Variants in EEPD1 observed in about 807,000 individuals in gnomAD.
The protein encoded by EEPD1 is endonuclease/exonuclease/phosphatase family domain containing 1.
In EEPD1, 17 loss-of-function variants were observed where a neutral mutation model predicts 46.3. That is an observed-to-expected ratio of 0.37 (90% CI 0.25 to 0.55). EEPD1 has a LOEUF of 0.55. Ranked by LOEUF, EEPD1 falls within the 20% of genes least tolerant of loss-of-function variation. The pLI, the probability that EEPD1 is intolerant of heterozygous loss-of-function variation, is 0.83. For missense variants in EEPD1, 673 were observed against 745.6 expected (o/e 0.90, Z 1.13); for synonymous variants, 313 against 315.6 (o/e 0.99, Z 0.09).
rs1252332214 is a variant in EEPD1 at position 36,300,651 on chromosome 7, A to G, written c.*1445A>G. 7 of 152,200 alleles carry G rather than the reference A, an allele frequency of 4.6e-5. No homozygotes were observed. Among genetic ancestry groups the G allele is most frequent in the Non-Finnish European group, 7.3e-5 (5 of 68,038 alleles). The allele number at this position is 152,200 out of a possible 1,614,324, so 9.4% of individuals were successfully genotyped here. A position where few individuals can be genotyped will look rare whatever the true frequency, so the allele number is the denominator to read the frequency against. On this transcript the variant is annotated 3_prime_UTR_variant, in exon 8 of 8. Transcript: ENST00000242108. ...AACCCTCCTGTCCCCACGCAGTGTAAACCCAGTGGCTTCTCTGACCTGGAG... is the reference window on the plus strand; with the variant it reads ...AACCCTCCTGTCCCCACGCAGTGTAGACCCAGTGGCTTCTCTGACCTGGAG...
chr7:36,255,172 T>C (rs927047415), intron 3 of EEPD1, among the ~76,000 whole-genome samples: 1 of 152,220 alleles, frequency 6.6e-6, no homozygotes, highest in Non-Finnish European at 1.5e-5. Flanking sequence ...TTGGCTTTTG[T>C]TATCATTGCT....
chr7:36,168,845 G>T (rs1317672792), intron 2 of EEPD1, among the ~76,000 whole-genome samples: 1 of 151,918 alleles, frequency 6.6e-6, no homozygotes, highest in Non-Finnish European at 1.5e-5. Context: ...TTAACTGGGG[G>T]TAAAGGACCC....
At chr7:36,174,558 G>C (rs1323583308) in intron 2 of EEPD1, among the ~76,000 whole-genome samples, 1 of 152,232 alleles carries the variant, frequency 6.6e-6, no homozygotes, top group African/African-American at 2.4e-5. Flanking sequence ...CCGCCAGGCA[G>C]CTGCTGGATG....
intron 2 of EEPD1, among the ~76,000 whole-genome samples, chr7:36,237,376 GTCC>G (rs1222732161): frequency 1.3e-5 from 2 of 152,208 alleles, no homozygotes; most frequent in Admixed American, 6.5e-5. Flanking sequence ...AGCTCAAGCA[GTCC>G]TCCTGCCTTG....
At chr7:36,219,052 G>T (rs914147315) in intron 2 of EEPD1, among the ~76,000 whole-genome samples, 1 of 152,130 alleles carries the variant, frequency 6.6e-6, no homozygotes, top group African/African-American at 2.4e-5. Flanking sequence ...GAAAATAAGA[G>T]AAATTATTTT....
At chr7:36,249,251 T>C (rs1285864451) in intron 3 of EEPD1, among the ~76,000 whole-genome samples, 3 of 152,154 alleles carry the variant, frequency 2.0e-5, no homozygotes, top group Non-Finnish European at 4.4e-5. Flanking sequence ...TAGTGAAGTT[T>C]TAAAGCATGA....
intron 2 of EEPD1, among the ~76,000 whole-genome samples, chr7:36,212,772 G>A (rs1294592016): frequency 6.6e-6 from 1 of 151,778 alleles, no homozygotes; most frequent in African/African-American, 2.4e-5. Flanking sequence ...TGTAAACAGT[G>A]GTTATTTTAA....
chr7:36,226,875 G>T (rs185124719), intron 2 of EEPD1, among the ~76,000 whole-genome samples: 1 of 152,158 alleles, frequency 6.6e-6, no homozygotes, highest in East Asian at 1.9e-4. Context: ...TTAAACAAAA[G>T]AAGGTGACAG....
At chr7:36,213,162 AAAAT>A (rs901883367) in intron 2 of EEPD1, among the ~76,000 whole-genome samples, 7 of 152,326 alleles carry the variant, frequency 4.6e-5, no homozygotes, top group Non-Finnish European at 8.8e-5. Flanking sequence ...CCAAAAAATA[AAAAT>A]AAATAAATAA....
rs1787572788 is a variant in EEPD1, at chr7:36,299,018, G to A, written c.1522G>A (p.Val508Met). The change falls in exon 8 of 8, where the codon GTG becomes ATG. Residue 508 changes from valine to methionine, a missense_variant. Val to Met is a conservative substitution (Grantham distance 21). Coordinates refer to ENST00000242108, the MANE Select transcript of EEPD1 (RefSeq NM_030636.3). ...TCCTCTCCCTTCAGGTCACTGGGCT[G>A]TGGTGAGAGAAGGCCTCACGAACCC... is the stretch of plus-strand genomic sequence containing the variant. ...LKKVFTGHWA[V>M]VREGLTNPWI... 3 of 1,613,986 alleles carry A rather than the reference G, an allele frequency of 1.9e-6. No homozygotes were observed. Among genetic ancestry groups the A allele is most frequent in the Admixed American group, 1.7e-5 (1 of 59,998 alleles).
At chr7:36,289,953 C>T (rs1183444342) in intron 6 of EEPD1, among the ~76,000 whole-genome samples, 1 of 152,218 alleles carries the variant, frequency 6.6e-6, no homozygotes, top group African/African-American at 2.4e-5. Context: ...AGCAGCTTTT[C>T]TTTTGAACCA....
chr7:36,156,314 C>T (rs887581584), intron 2 of EEPD1, among the ~76,000 whole-genome samples: 4 of 152,150 alleles, frequency 2.6e-5, no homozygotes, highest in Non-Finnish European at 4.4e-5. Flanking sequence ...CAGTGGCATG[C>T]TCTCATCACT....
chr7:36,203,922 A>G (rs1785763663), intron 2 of EEPD1, among the ~76,000 whole-genome samples: 1 of 151,804 alleles, frequency 6.6e-6, no homozygotes. Context: ...TTATTTGTAC[A>G]GAATGGAGAT....
Position 36,179,521 on chromosome 7 carries a change from G to A in EEPD1, c.878+24319G>A, listed in dbSNP as rs543866318. 1.7e-3 allele frequency among the ~76,000 whole-genome samples: 254 copies of A among 151,766 alleles called. 8 individuals are homozygous for A. Among genetic ancestry groups the A allele is most frequent in the Admixed American group, 0.015 (233 of 15,222 alleles). On this transcript the variant is annotated intron_variant, in intron 2 of 7. Transcript: ENST00000242108. ...GATTGCTTGAAGCCCAGGAGTTCGA[G>A]ACCAGCCTGGCCAAGATGGCAAGAA...
At chr7:36,235,427 C>A (rs935436250) in intron 2 of EEPD1, among the ~76,000 whole-genome samples, 2 of 152,268 alleles carry the variant, frequency 1.3e-5, no homozygotes, top group African/African-American at 4.8e-5. Context: ...CCTCTATAGA[C>A]CTCCTCTGTG....
rs1475631665 is a variant in EEPD1 at position 36,284,691 on chromosome 7, T to G, written c.1047T>G (p.Ala349=). The change falls in exon 5 of 8, where the codon GCT becomes GCG. Residue 349 remains alanine, a synonymous_variant. Transcript: ENST00000242108. ...EKPSSQLQKG[A]GYAGFLWDAA... The stretch of plus-strand genomic sequence containing the variant: ...TGTCTCCCTCTCCGCTGCAGGGAGC[T>G]GGGTATGCAGGATTCCTATGGGACG... 1 of 1,611,700 alleles carries G rather than the reference T, an allele frequency of 6.2e-7. No individual in the cohort carries two copies. Among genetic ancestry groups the G allele is most frequent in the Non-Finnish European group, 8.5e-7 (1 of 1,178,972 alleles).
At chr7:36,213,636 C>T (rs1021292944) in intron 2 of EEPD1, among the ~76,000 whole-genome samples, 1 of 152,124 alleles carries the variant, frequency 6.6e-6, no homozygotes, top group Non-Finnish European at 1.5e-5. Context: ...GCAAAGGAAG[C>T]GTCAGGCCAG....
At position 36,217,867 on chromosome 7, in the gene EEPD1, G is replaced by C. The variant is rs527921659; in HGVS notation, c.879-21118G>C. Among the ~76,000 whole-genome samples, 540 of 152,346 alleles carry C rather than the reference G, an allele frequency of 3.5e-3. 4 individuals carry two copies. The highest frequency in any genetic ancestry group is 0.012 in the African/African-American group (507 of 41,576). ...CTTGCTAAGAGGTGAAAGGTCAGCA[G>C]TGAATGCCAAAGGAGGAATTTTGGC... On this transcript the variant is annotated intron_variant, in intron 2 of 7. Transcript: ENST00000242108.
intron 2 of EEPD1, among the ~76,000 whole-genome samples, chr7:36,163,146 A>G (rs1784927950): frequency 6.7e-6 from 1 of 150,190 alleles, no homozygotes; most frequent in Non-Finnish European, 1.5e-5. Flanking sequence ...AAAAGCCAAT[A>G]TTTGGGTGAC....
Sources: allele counts gnomAD v4.1 joint callset (sites outside exome capture counted in the v4.1 genomes callset), GRCh38; gene constraint gnomAD v4.1.1; transcripts MANE v1.5; gene names NCBI Gene and HGNC (gene_info 2026-07-23, HGNC 2026-07-21).